The following ROCK1 variants were observed in gnomAD, a reference collection of about 807,000 sequenced individuals.
ROCK1 encodes Rho associated coiled-coil containing protein kinase 1.
In ROCK1, 36 loss-of-function variants were observed where a neutral mutation model predicts 196.8. The observed-to-expected ratio is 0.18, with a 90% CI of 0.14 to 0.24. The LOEUF is 0.24. Among genes scored for constraint, ROCK1 ranks in the 10% least tolerant of loss-of-function variants. ROCK1 has a pLI of 1.00. For synonymous variants in ROCK1, 443 were observed against 515.9 expected (o/e 0.86, Z 1.91); for missense variants, 920 against 1,562.0 (o/e 0.59, Z 6.93).
At chr18:21,075,305 C>G (rs1203953002) in intron 1 of ROCK1, among the ~76,000 whole-genome samples, 2 of 152,064 alleles carry the variant, frequency 1.3e-5, no homozygotes, top group Non-Finnish European at 2.9e-5. Context: ...GCAAAAGAAT[C>G]TGATGAATAA....
intron 22 of ROCK1, among the ~76,000 whole-genome samples, chr18:20,971,302 A>T (rs1242057363): frequency 1.7e-5 from 1 of 59,468 alleles, no homozygotes; most frequent in African/African-American, 6.2e-5. Context: ...CATATAGTAA[A>T]CATACACACA....
intron 1 of ROCK1, among the ~76,000 whole-genome samples, chr18:21,077,263 G>C (rs1282777867): frequency 5.3e-5 from 8 of 152,048 alleles, no homozygotes; most frequent in Admixed American, 5.2e-4. Flanking sequence ...GTGAGCCACC[G>C]CGCCCGGCCA....
chr18:21,076,030 G>A (rs1388276000), intron 1 of ROCK1, among the ~76,000 whole-genome samples: 1 of 150,974 alleles, frequency 6.6e-6, no homozygotes, highest in East Asian at 1.9e-4. Context: ...AAGAAAGACA[G>A]AATAGTACCA....
Position 21,085,389 on chromosome 18 carries a change from C to G in ROCK1, c.94-14776G>C, listed in dbSNP as rs2036518582. Among the ~76,000 whole-genome samples, 2 of 144,778 alleles carry G rather than the reference C, an allele frequency of 1.4e-5. 1 individual carries two copies. The highest frequency in any genetic ancestry group is 1.4e-4 in the Admixed American group (2 of 14,234). The allele number at this position is 144,778 out of a possible 152,430, so 95.0% of individuals were successfully genotyped here. On this transcript the variant is annotated intron_variant, in intron 1 of 32. Transcript: ENST00000399799. Reference sequence around the variant, plus strand: ...TTTCATGTTACGTATATTTTACTGCCAATTTTTAAGGGCATTATTAATCTT... The same window carrying G: ...TTTCATGTTACGTATATTTTACTGCGAATTTTTAAGGGCATTATTAATCTT...
chr18:21,025,468 C>T (rs945167289), intron 10 of ROCK1, among the ~76,000 whole-genome samples: 7 of 152,086 alleles, frequency 4.6e-5, no homozygotes, highest in African/African-American at 1.7e-4. Context: ...ACCTGTAATC[C>T]GCTGGGATTA....
At chr18:20,983,281 T>C (rs528781365) in intron 20 of ROCK1, among the ~76,000 whole-genome samples, 1 of 146,716 alleles carries the variant, frequency 6.8e-6, no homozygotes, top group Admixed American at 7.0e-5. Context: ...AATTCAGTAC[T>C]GCATACTAGA....
intron 29 of ROCK1, among the ~76,000 whole-genome samples, chr18:20,959,084 ATT>A (rs1218846665): frequency 2.7e-4 from 10 of 36,472 alleles, no homozygotes; most frequent in South Asian, 2.7e-3. Context: ...TAATATATAT[ATT>A]TTATATAATA....
In ROCK1 at chr18:21,111,219, C is replaced by T; in HGVS notation, c.-309G>A. On this transcript the variant is annotated 5_prime_UTR_variant, in exon 1 of 33. Transcript: ENST00000399799. This position sits in a 1 kb window ranked among gnomAD's most constrained non-coding sequence, Gnocchi z 4.2. The stretch of plus-strand genomic sequence containing the variant: ...GCTCCGGCGAGGTGCTTCAGTCTAG[C>T]GGGCCCCGGCCGCCGTCGCCATGGA... 1 of 507,460 alleles carries T rather than the reference C, an allele frequency of 2.0e-6. No homozygotes were observed. The highest frequency in any genetic ancestry group is 3.4e-6 in the Non-Finnish European group (1 of 290,010). 31.4% of individuals were successfully genotyped at this position (507,460 alleles called of 1,614,324 possible). A position where few individuals can be genotyped will look rare whatever the true frequency, so the allele number is the denominator to read the frequency against.
intron 1 of ROCK1, among the ~76,000 whole-genome samples, chr18:21,096,480 C>T (rs1228704929): frequency 1.3e-5 from 2 of 152,132 alleles, no homozygotes; most frequent in Non-Finnish European, 2.9e-5. Flanking sequence ...GGATTACAGG[C>T]GTGAGCCACC....
rs112995511 is a variant in ROCK1, at chr18:20,983,038, G to A, written c.2490-206C>T. On this transcript the variant is annotated intron_variant, in intron 20 of 32. Transcript: ENST00000399799. ...CTTGCTCCTTATAAAATGACGCTAT[G>A]CAAAAGTAGTGAGAACCCTTTTCTA... 1.5e-3 allele frequency among the ~76,000 whole-genome samples: 229 copies of A among 151,976 alleles called. 5 individuals carry two copies. Among genetic ancestry groups the A allele is most frequent in the African/African-American group, 5.4e-3 (222 of 41,444 alleles).
At chr18:21,042,282 A>C (rs1442018745) in intron 7 of ROCK1, 47 bp from the exon 8 acceptor site, 15 of 1,494,380 alleles carry the variant, frequency 1.0e-5, no homozygotes, top group Non-Finnish European at 1.3e-5. Flanking sequence ...ATACATTTTT[A>C]AAAAGTCAGT....
intron 18 of ROCK1, among the ~76,000 whole-genome samples, chr18:20,990,264 A>G (rs1370167005): frequency 1.3e-5 from 2 of 152,144 alleles, no homozygotes; most frequent in African/African-American, 4.8e-5. Context: ...GCAAGATAGC[A>G]GATGAATTAG....
At position 21,017,186 on chromosome 18, in the gene ROCK1, CTTT is replaced by C. The variant is rs774542704; in HGVS notation, c.1362-1710_1362-1708del. Among the ~76,000 whole-genome samples the C allele has an allele frequency of 1.9e-4, 19 of 99,082 alleles. No individual in the cohort carries two copies. In the South Asian group the frequency reaches 3.4e-3, roughly 17 times the overall value. The allele number at this position is 99,082 out of a possible 152,430, so 65.0% of individuals were successfully genotyped here. ...TCCCCAATTAACACATACCACACTT[CTTT>C]TTTTTTTTTTTTTTTTTTTTGAGAT... is the stretch of plus-strand genomic sequence containing the variant. On this transcript the variant is annotated intron_variant, in intron 12 of 32. Coordinates refer to ENST00000399799, the MANE Select transcript of ROCK1 (RefSeq NM_005406.3).
chr18:20,992,328 T>G (rs2035633487), intron 17 of ROCK1, among the ~76,000 whole-genome samples: 1 of 152,240 alleles, frequency 6.6e-6, no homozygotes, highest in Admixed American at 6.5e-5. Flanking sequence ...ATATCATCTA[T>G]TTAACTCTTA....
intron 28 of ROCK1, 47 bp from the exon 29 acceptor site, chr18:20,959,975 T>C: frequency 8.1e-7 from 1 of 1,228,126 alleles, no homozygotes; most frequent in Non-Finnish European, 1.2e-6. Flanking sequence ...AACATTAACT[T>C]GGTTTAAAGT....
chr18:21,027,183 C>T (rs368008062), intron 10 of ROCK1, among the ~76,000 whole-genome samples: 2 of 152,158 alleles, frequency 1.3e-5, no homozygotes, highest in East Asian at 3.9e-4. Flanking sequence ...AAGTGACCTG[C>T]CCACCTTGGC....
intron 13 of ROCK1, among the ~76,000 whole-genome samples, chr18:21,013,834 C>T (rs541242695): frequency 4.6e-5 from 7 of 152,022 alleles, no homozygotes; most frequent in South Asian, 2.1e-4. Context: ...GAGGCCAAGG[C>T]GGGTGGATCA....
At chr18:21,046,419 T>G (rs2143512585) in intron 4 of ROCK1, among the ~76,000 whole-genome samples, 1 of 152,328 alleles carries the variant, frequency 6.6e-6, no homozygotes, top group South Asian at 2.1e-4. Context: ...AAAGTAACAG[T>G]GCACCTAACA....
intron 2 of ROCK1, among the ~76,000 whole-genome samples, chr18:21,065,384 T>G (rs987332430): frequency 2.0e-5 from 3 of 151,804 alleles, no homozygotes; most frequent in African/African-American, 7.3e-5. Flanking sequence ...GCCAAACAAA[T>G]GAGCTCTCTT....
Sources: gnomAD v4.1 joint callset for allele counts (sites outside exome capture counted in the v4.1 genomes callset) on GRCh38, gnomAD v4.1.1 for gene constraint, Gnocchi (gnomAD v3.1) non-coding constraint, MANE v1.5 for transcripts, NCBI Gene and HGNC (gene_info 2026-07-23, HGNC 2026-07-21) for gene names.